Variants in CFAP299 observed in about 807,000 individuals in gnomAD.
CFAP299 encodes the protein cilia- and flagella-associated protein 299.
CFAP299 carries 21 observed loss-of-function variants against 27.0 expected under a neutral mutation model. The ratio of observed to expected loss-of-function variants is 0.78; its 90% CI spans 0.55 to 1.12. The LOEUF is 1.12. Among genes scored for constraint, CFAP299 ranks in the 50% most tolerant of loss-of-function variants. CFAP299 has a pLI of 0.00. For missense variants in CFAP299, 310 were observed against 276.6 expected, an observed-to-expected ratio of 1.12 and a Z score of -0.86; for synonymous variants, 104 against 98.1, an observed-to-expected ratio of 1.06 and a Z score of -0.36.
intron 1 of CFAP299, among the ~76,000 whole-genome samples, chr4:80,357,635 T>A (rs1388555372): frequency 6.6e-6 from 1 of 152,240 alleles, no homozygotes; most frequent in African/African-American, 2.4e-5. Context: ...GAGGTGTTCA[T>A]AATATTCTCT....
intron 4 of CFAP299, among the ~76,000 whole-genome samples, chr4:80,931,742 A>ACACACG (rs1424693832): frequency 6.6e-6 from 1 of 151,740 alleles, no homozygotes; most frequent in African/African-American, 2.4e-5. Context: ...ACACACACGC[A>ACACACG]CACACGCACA....
At chr4:80,591,718 A>G (rs942191435) in intron 3 of CFAP299, among the ~76,000 whole-genome samples, 2 of 152,214 alleles carry the variant, frequency 1.3e-5, no homozygotes, top group African/African-American at 4.8e-5. Flanking sequence ...ATCTCCTGCT[A>G]CTGAGGTCCC....
intron 2 of CFAP299, among the ~76,000 whole-genome samples, chr4:80,450,408 A>C (rs1278122673): frequency 6.6e-6 from 1 of 152,212 alleles, no homozygotes; most frequent in African/African-American, 2.4e-5. Flanking sequence ...TGCTCACTTA[A>C]TATCACATTG....
upstream of CFAP299, among the ~76,000 whole-genome samples, chr4:80,334,536 A>G (rs1722050006): frequency 6.6e-6 from 1 of 152,146 alleles, no homozygotes; most frequent in Non-Finnish European, 1.5e-5. Flanking sequence ...TCGGCCTCCC[A>G]AAGTGCTGGG....
At chr4:80,616,577 G>A (rs60174910) in intron 3 of CFAP299, among the ~76,000 whole-genome samples, 6,894 of 152,040 alleles carry the variant, frequency 0.045, 546 homozygotes, top group African/African-American at 0.16. Context: ...TAGTAGCTAA[G>A]TTGGGGCAGC....
intron 4 of CFAP299, among the ~76,000 whole-genome samples, chr4:80,894,804 G>A (rs1278711927): frequency 2.0e-5 from 3 of 151,900 alleles, no homozygotes; most frequent in Admixed American, 6.6e-5. Flanking sequence ...GTGTGAGAGA[G>A]AGAGCTATAT....
chr4:80,715,301 A>G (rs1029832297), intron 3 of CFAP299, among the ~76,000 whole-genome samples: 1 of 152,074 alleles, frequency 6.6e-6, no homozygotes, highest in Admixed American at 6.6e-5. Flanking sequence ...CTGCCTCCAT[A>G]TAACCCAACC....
chr4:80,347,913 G>T (rs1034539838), intron 1 of CFAP299, among the ~76,000 whole-genome samples: 3 of 152,166 alleles, frequency 2.0e-5, no homozygotes, highest in Non-Finnish European at 4.4e-5. Context: ...GCATGATAAT[G>T]ATACAAAACC....
At chr4:80,325,614 G>A in the CFAP299 span, among the ~76,000 whole-genome samples, 1 of 152,064 alleles carries the variant, frequency 6.6e-6, no homozygotes, top group Admixed American at 6.5e-5. Flanking sequence ...AACATCCTTG[G>A]TTCCAAATTA....
rs78328249 is a variant in CFAP299, at chr4:80,686,582, C to T, written c.333+103399C>T. Among the ~76,000 whole-genome samples the T allele has an allele frequency of 7.1e-3, 1,078 of 152,156 alleles. 16 individuals are homozygous for T. The highest frequency in any genetic ancestry group is 0.025 in the African/African-American group (1,027 of 41,516). ...AGTTCTCATAATTTCATGCTTTTAC[C>T]GCTGTTAATCAACTGTGGGGTTCAC... On this transcript the variant is annotated intron_variant, in intron 3 of 5. Transcript: ENST00000358105.
At chr4:80,467,699 TGTTA>T (rs1312960990) in intron 2 of CFAP299, among the ~76,000 whole-genome samples, 3 of 152,194 alleles carry the variant, frequency 2.0e-5, no homozygotes, top group African/African-American at 4.8e-5. Context: ...GGTGTGGATG[TGTTA>T]GTTCATTTTC....
intron 3 of CFAP299, among the ~76,000 whole-genome samples, chr4:80,843,219 A>G (rs1178710261): frequency 6.6e-6 from 1 of 151,906 alleles, no homozygotes; most frequent in Admixed American, 6.6e-5. Flanking sequence ...TCCTAATGCT[A>G]TCCCTCCCCC....
chr4:80,863,011 AT>A, intron 3 of CFAP299, among the ~76,000 whole-genome samples: 1 of 152,258 alleles, frequency 6.6e-6, no homozygotes, highest in South Asian at 2.1e-4. Context: ...GGTCCCTAAA[AT>A]TAATGATTCA....
chr4:80,536,577 T>C (rs1578567383), intron 2 of CFAP299, among the ~76,000 whole-genome samples: 1 of 152,056 alleles, frequency 6.6e-6, no homozygotes, highest in South Asian at 2.1e-4. Context: ...TTACAGTCAA[T>C]TGATTTTCAA....
chr4:80,506,803 CAG>C (rs1732061332), intron 2 of CFAP299, among the ~76,000 whole-genome samples: 1 of 152,000 alleles, frequency 6.6e-6, no homozygotes, highest in Non-Finnish European at 1.5e-5. Context: ...AAGAGAATAA[CAG>C]AGAGATAGGT....
At position 80,938,242 on chromosome 4, in the gene CFAP299, C is replaced by T. The variant is rs144742320; in HGVS notation, c.477-6568C>T. On this transcript the variant is annotated intron_variant, in intron 4 of 5. Transcript: ENST00000358105. Reference sequence around the variant, plus strand: ...GCCATATACTGGCCCCAAAACGGGCCGTAAACAAAAGCTGGGCAGCACAGT... The same window carrying T: ...GCCATATACTGGCCCCAAAACGGGCTGTAAACAAAAGCTGGGCAGCACAGT... 4.6e-3 allele frequency among the ~76,000 whole-genome samples: 693 copies of T among 152,254 alleles called. 7 individuals are homozygous for T. The highest frequency in any genetic ancestry group is 0.015 in the African/African-American group (635 of 41,552).
At chr4:80,855,416 A>G (rs1345177704) in intron 3 of CFAP299, among the ~76,000 whole-genome samples, 1 of 151,192 alleles carries the variant, frequency 6.6e-6, no homozygotes, top group Non-Finnish European at 1.5e-5. Context: ...ATTTATTTTT[A>G]TTATTATACT....
At chr4:80,343,252 T>C (rs1722546608) in intron 1 of CFAP299, among the ~76,000 whole-genome samples, 1 of 152,144 alleles carries the variant, frequency 6.6e-6, no homozygotes, top group Non-Finnish European at 1.5e-5. Context: ...CTACTGGCAA[T>C]ATTAGACAGA....
At chr4:80,847,472 C>T (rs186190683) in intron 3 of CFAP299, among the ~76,000 whole-genome samples, 8 of 152,258 alleles carry the variant, frequency 5.3e-5, no homozygotes, top group Admixed American at 5.2e-4. Flanking sequence ...GAGATGATGT[C>T]AGTTTTATTA....
Sources: allele counts gnomAD v4.1 joint callset (sites outside exome capture counted in the v4.1 genomes callset), GRCh38; gene constraint gnomAD v4.1.1; transcripts MANE v1.5; gene names NCBI Gene and HGNC (gene_info 2026-07-23, HGNC 2026-07-21).